The following CAMK2B variants were observed in gnomAD, a reference collection of about 807,000 sequenced individuals.
The protein encoded by CAMK2B is calcium/calmodulin-dependent protein kinase type II subunit beta.
A neutral mutation model predicts 93.7 loss-of-function variants in CAMK2B; 27 were observed. That is an observed-to-expected ratio of 0.29 (90% CI 0.21 to 0.40). CAMK2B has a LOEUF of 0.40. Among genes scored for constraint, CAMK2B ranks in the 10% least tolerant of loss-of-function variants. CAMK2B has a pLI of 1.00. For missense variants in CAMK2B, 568 were observed against 895.8 expected (o/e 0.63, Z 4.67); for synonymous variants, 374 against 358.8 (o/e 1.04, Z -0.48).
chr7:44,262,916 T>G, intron 3 of CAMK2B, 89 bp downstream of exon 3: 1 of 1,138,102 alleles, frequency 8.8e-7, no homozygotes, highest in Non-Finnish European at 1.3e-6. Flanking sequence ...TTTCTGCATC[T>G]CTTTGAAAGT....
chr7:44,243,291 C>T lies in CAMK2B; in HGVS notation c.560G>A (p.Arg187His). The change falls in exon 8 of 24, where the codon CGC becomes CAC. Residue 187 changes from arginine to histidine, a missense_variant. By Grantham distance (29) the Arg-to-His change is conservative (BLOSUM62 0). Coordinates refer to ENST00000395749, the MANE Select transcript of CAMK2B (RefSeq NM_001220.5). Reference sequence around the variant, plus strand: ...CACAGGCTTGCCATACGCCTCTTTGCGAAGGACCTCAGGGGACAGGTAGCC... The same window carrying T: ...CACAGGCTTGCCATACGCCTCTTTGTGAAGGACCTCAGGGGACAGGTAGCC... ...TPGYLSPEVL[R>H]KEAYGKPVDI... 9 of 1,613,990 alleles carry T rather than the reference C, an allele frequency of 5.6e-6. No homozygotes were observed. Among genetic ancestry groups the T allele is most frequent in the Non-Finnish European group, 7.6e-6 (9 of 1,179,942 alleles).
At chr7:44,267,910 G>T (rs1018868384) in intron 2 of CAMK2B, 2 of 152,260 alleles carry the variant, frequency 1.3e-5, no homozygotes, top group Admixed American at 1.3e-4. Context: ...GGAATGCCGA[G>T]CCCTGGGAGC....
chr7:44,220,990 C>T (rs926521645), intron 20 of CAMK2B, 89 bp from the exon 21 acceptor site: 27 of 1,083,828 alleles, frequency 2.5e-5, no homozygotes, highest in South Asian at 1.9e-4. Context: ...CCTGGGGGAG[C>T]GCGAGCTGCA....
chr7:44,261,469 G>A (rs982731431), intron 3 of CAMK2B, among the ~76,000 whole-genome samples: 8 of 152,144 alleles, frequency 5.3e-5, no homozygotes, highest in African/African-American at 1.9e-4. Context: ...GGCTGCCCCT[G>A]CCCTCAGGCA....
chr7:44,229,842 G>T (rs544024014), intron 17 of CAMK2B: 9 of 233,214 alleles, frequency 3.9e-5, no homozygotes, highest in Non-Finnish European at 5.8e-5. Flanking sequence ...GAGGCCAGGC[G>T]CACGGAGAGG....
chr7:44,274,598 T>A (rs980130077), intron 2 of CAMK2B, among the ~76,000 whole-genome samples: 4 of 152,146 alleles, frequency 2.6e-5, no homozygotes, highest in African/African-American at 9.7e-5. Context: ...CCCAACCAGC[T>A]CAGTCCTTAA....
intron 17 of CAMK2B, 26 bp downstream of exon 17, chr7:44,230,980 G>A: frequency 1.9e-6 from 3 of 1,550,632 alleles, no homozygotes; most frequent in South Asian, 1.2e-5. Flanking sequence ...AGGCCGCTGG[G>A]GGGGCAAGGA....
rs541784468 is a variant in CAMK2B, at chr7:44,226,426, A to C, written c.1597+90T>G. The C allele has an allele frequency of 2.4e-5, 26 of 1,105,610 alleles. No homozygotes were observed. In the South Asian group the frequency reaches 6.3e-4, roughly 27 times the overall value. 68.5% of individuals were successfully genotyped at this position (1,105,610 alleles called of 1,614,324 possible). A position where few individuals can be genotyped will look rare whatever the true frequency, so the allele number is the denominator to read the frequency against. On this transcript the variant is annotated intron_variant, in intron 20 of 23. Transcript: ENST00000395749. ...CCTGTGCCCCGCCCTCCTCCGCAAG[A>C]ATGGCCCTTCCCAGAGCACCACTGC...
chr7:44,234,547 G>T, intron 14 of CAMK2B, 86 bp from the exon 15 acceptor site: 1 of 1,588,592 alleles, frequency 6.3e-7, no homozygotes, highest in Admixed American at 1.7e-5. Flanking sequence ...GGCATGGGGG[G>T]AGGGGGACTC....
At chr7:44,222,071 TACATGCACACTCACACACAGAACAC>T (rs2096414828) in intron 20 of CAMK2B, among the ~76,000 whole-genome samples, 1 of 152,144 alleles carries the variant, frequency 6.6e-6, no homozygotes. Flanking sequence ...GGCACGCACA[TACATGCACACTCACACACAGAACAC>T]ACATGCACAC....
intron 13 of CAMK2B, among the ~76,000 whole-genome samples, chr7:44,237,111 G>A (rs937864044): frequency 1.2e-4 from 18 of 152,234 alleles, no homozygotes; most frequent in Non-Finnish European, 2.6e-4. Flanking sequence ...CATTGGAACC[G>A]GGGCCAGCAT....
chr7:44,227,525 G>A (rs1422993980), intron 19 of CAMK2B, among the ~76,000 whole-genome samples: 1 of 2,370 alleles, frequency 4.2e-4, no homozygotes. Context: ...GGGACAGAGG[G>A]GGATATGGGG....
chr7:44,250,719 G>A (rs904884983), intron 5 of CAMK2B, among the ~76,000 whole-genome samples: 10 of 152,170 alleles, frequency 6.6e-5, no homozygotes, highest in East Asian at 1.9e-4. Flanking sequence ...TAATAGAGAC[G>A]GGGTTTCACC....
intron 2 of CAMK2B, among the ~76,000 whole-genome samples, chr7:44,280,291 G>T (rs910982404): frequency 6.6e-6 from 1 of 152,192 alleles, no homozygotes; most frequent in Non-Finnish European, 1.5e-5. Context: ...TGTGGGCCTG[G>T]TATCCAGGAG....
At chr7:44,323,515 G>C (rs181065430) in intron 1 of CAMK2B, among the ~76,000 whole-genome samples, 181 of 152,346 alleles carry the variant, frequency 1.2e-3, no homozygotes, top group African/African-American at 4.0e-3. Context: ...ATCCAGCTGC[G>C]CTGGAATCGG....
chr7:44,265,281 G>A (rs1301527338), intron 2 of CAMK2B, among the ~76,000 whole-genome samples: 3 of 152,198 alleles, frequency 2.0e-5, no homozygotes, highest in Non-Finnish European at 4.4e-5. Context: ...CATAATCTCA[G>A]TGCAGGTCCC....
At chr7:44,238,114 T>C (rs1049471733) in intron 13 of CAMK2B, among the ~76,000 whole-genome samples, 2 of 152,220 alleles carry the variant, frequency 1.3e-5, no homozygotes, top group African/African-American at 4.8e-5. Context: ...CCGTGTGATA[T>C]GGCTGAGCTG....
At chr7:44,229,882 C>T (rs144762430) in intron 17 of CAMK2B, 20 of 178,468 alleles carry the variant, frequency 1.1e-4, no homozygotes, top group Non-Finnish European at 2.0e-4. Context: ...GGCATGATGG[C>T]CACTGAGCCT....
Position 44,286,956 on chromosome 7 carries a change from C to T in CAMK2B, c.66-2731G>A, listed in dbSNP as rs1785297716. ...CCAGCAGACACTCAGCAGGAAGGGA[C>T]CAGGGGTGCAGGGACCAGGGGTGCA... On this transcript the variant is annotated intron_variant, in intron 1 of 23. Transcript: ENST00000395749. The surrounding 1 kb of genome is among the most constrained non-coding windows in gnomAD (Gnocchi z 4.0). 6.6e-6 allele frequency among the ~76,000 whole-genome samples: 1 copy of T among 152,008 alleles called. No individual in the cohort carries two copies. Among genetic ancestry groups the T allele is most frequent in the South Asian group, 2.1e-4 (1 of 4,816 alleles).
Sources: gnomAD v4.1 joint callset for allele counts (sites outside exome capture counted in the v4.1 genomes callset) on GRCh38, gnomAD v4.1.1 for gene constraint, Gnocchi (gnomAD v3.1) non-coding constraint, MANE v1.5 for transcripts, NCBI Gene and HGNC (gene_info 2026-07-23, HGNC 2026-07-21) for gene names.